ENTPD7: variants seen among roughly 807,000 people sequenced by gnomAD.
The protein encoded by ENTPD7 is NTPDase 7.
A neutral mutation model predicts 77.9 loss-of-function variants in ENTPD7; 53 were observed. The ratio of observed to expected loss-of-function variants is 0.68; its 90% confidence interval spans 0.55 to 0.85. The LOEUF (loss-of-function observed/expected upper bound fraction) is 0.85, where lower values mean the gene tolerates loss of function less well. ENTPD7 is among the 40% of genes least tolerant of loss of function. The pLI is 0.00. For missense variants in ENTPD7, 636 were observed against 743.7 expected (o/e 0.86, Z 1.68); for synonymous variants, 248 against 274.9 (o/e 0.90, Z 0.97).
Position 99,684,092 on chromosome 10 carries a change from A to G in ENTPD7, c.549-1700A>G, listed in dbSNP as rs942058127. On this transcript the variant is annotated intron_variant, in intron 5 of 12. Coordinates refer to ENST00000370489, the MANE Select transcript of ENTPD7 (RefSeq NM_020354.5). ...TTTATTGGAGATGGAGTCTCCCTCT[A>G]TCGCCCAGGCTGGAGTGCAGTGGCA... Among the ~76,000 whole-genome samples, 9 of 152,062 alleles carry G rather than the reference A, an allele frequency of 5.9e-5. No homozygotes were observed. In the East Asian group the frequency reaches 1.4e-3, roughly 23 times the overall value.
rs1003319452 is a variant in ENTPD7 at position 99,707,979 on chromosome 10, T to C, written c.*3296T>C. On this transcript the variant is annotated 3_prime_UTR_variant, in exon 13 of 13. Coordinates refer to ENST00000370489, the MANE Select transcript of ENTPD7 (RefSeq NM_020354.5). Reference sequence around the variant, plus strand: ...TGAGTATATTGAGTGATGCTGAGGTTTGGGGTACAGATCCCATCACCAGGT... The same window carrying C: ...TGAGTATATTGAGTGATGCTGAGGTCTGGGGTACAGATCCCATCACCAGGT... 6.6e-6 allele frequency among the ~76,000 whole-genome samples: 1 copy of C among 152,150 alleles called. No homozygotes were observed. Among genetic ancestry groups the C allele is most frequent in the African/African-American group, 2.4e-5 (1 of 41,426 alleles).
intron 5 of ENTPD7, 118 bp downstream of exon 5, chr10:99,679,993 A>G: frequency 8.3e-7 from 1 of 1,201,524 alleles, no homozygotes; most frequent in Non-Finnish European, 1.1e-6. Flanking sequence ...TTATGACACA[A>G]TCATTCATTC....
intron 3 of ENTPD7, among the ~76,000 whole-genome samples, chr10:99,665,137 T>C (rs966606392): frequency 6.6e-6 from 1 of 151,824 alleles, no homozygotes; most frequent in Non-Finnish European, 1.5e-5. Context: ...CTGTAGTCCT[T>C]GCTTCCCAGG....
chr10:99,664,779 G>A (rs185405999), intron 3 of ENTPD7, among the ~76,000 whole-genome samples: 68 of 151,966 alleles, frequency 4.5e-4, no homozygotes, highest in Non-Finnish European at 7.7e-4. Context: ...TCTCAGATAT[G>A]TATTAGTTAA....
Position 99,679,292 on chromosome 10 carries a change from A to T in ENTPD7, c.223A>T (p.Thr75Ser). 2 of 1,614,172 alleles carry T rather than the reference A, an allele frequency of 1.2e-6. No homozygotes were observed. The change falls in exon 4 of 13, where the codon ACT (threonine) becomes TCT (serine). Residue 75 changes from threonine (T) to serine (S), a missense_variant. Thr to Ser is a moderately conservative substitution (Grantham distance 58). This residue lies in a region of ENTPD7 where 486 missense variants were observed against 556.5 expected (regional missense o/e 0.87). Coordinates refer to ENST00000370489, the MANE Select transcript of ENTPD7 (RefSeq NM_020354.5). The part of the protein sequence containing the change: ...YLARVGELEA[T>S]DTEDPNLNYG... ...GGCTCGAGTAGGGGAGCTTGAAGCT[A>T]CTGACACTGAAGACCCAAATCTGAA...
At chr10:99,669,416 G>A (rs2133444820) in intron 3 of ENTPD7, among the ~76,000 whole-genome samples, 1 of 152,152 alleles carries the variant, frequency 6.6e-6, no homozygotes, top group East Asian at 1.9e-4. Context: ...CTGTCAGGGG[G>A]TTTTCTCTCA....
rs116697861 is a variant in ENTPD7 at position 99,670,357 on chromosome 10, C to T, written c.191+8729C>T. 1.8e-3 allele frequency among the ~76,000 whole-genome samples: 275 copies of T among 152,338 alleles called. 1 individual carries two copies. Among genetic ancestry groups the T allele is most frequent in the African/African-American group, 5.9e-3 (247 of 41,582 alleles). On this transcript the variant is annotated intron_variant, in intron 3 of 12. Coordinates refer to ENST00000370489, the MANE Select transcript of ENTPD7 (RefSeq NM_020354.5). ...CAGTGCAGATAGAGAACATTTTCAT[C>T]ATTTCACAGAGTTCTGTTGACAGTG...
chr10:99,681,175 A>G (rs2035748181), intron 5 of ENTPD7, among the ~76,000 whole-genome samples: 1 of 152,206 alleles, frequency 6.6e-6, no homozygotes, highest in Non-Finnish European at 1.5e-5. Flanking sequence ...GCTTCAGTGA[A>G]CATGGGAGGG....
At position 99,691,335 on chromosome 10, in the gene ENTPD7, A is replaced by T. The variant is rs1316962332; in HGVS notation, c.710-50A>T. The T allele has an allele frequency of 2.5e-6, 4 of 1,580,152 alleles. No individual in the cohort carries two copies. In the South Asian group the frequency reaches 4.5e-5, roughly 18 times the overall value. On this transcript the variant is annotated intron_variant, in intron 7 of 12. Transcript: ENST00000370489. Reference sequence around the variant, plus strand: ...GATTGCTGTTTTGGGGGTTTGACTTAATTTTATTTTTTAATTACTAGGGCC... The same window carrying T: ...GATTGCTGTTTTGGGGGTTTGACTTTATTTTATTTTTTAATTACTAGGGCC...
chr10:99,662,545 T>C (rs2035499845), intron 3 of ENTPD7, among the ~76,000 whole-genome samples: 1 of 152,192 alleles, frequency 6.6e-6, no homozygotes, highest in African/African-American at 2.4e-5. Context: ...TATTTTTGTG[T>C]TAGTCAATTG....
rs770120495 is a variant in ENTPD7, at chr10:99,695,941, G to T, written c.844-15G>T. ...AAAACTAAAATTCCCTTTTTCTCTT[G>T]GTATTGTATTATAGGAAGAAGCTGC... On this transcript the variant is annotated splice_polypyrimidine_tract_variant and intron_variant, in intron 8 of 12. Transcript: ENST00000370489. The T allele has an allele frequency of 6.3e-6, 10 of 1,581,754 alleles. No homozygotes were observed. In the Admixed American group the frequency reaches 7.6e-5, roughly 12 times the overall value.
At chr10:99,702,721 G>C in intron 12 of ENTPD7, 48 bp downstream of exon 12, 1 of 1,505,288 alleles carries the variant, frequency 6.6e-7, no homozygotes, top group Non-Finnish European at 8.9e-7. Flanking sequence ...GAGGATATCA[G>C]TTGATGCCTC....
chr10:99,659,913 A>C lies in ENTPD7; in HGVS notation c.-44A>C. 6.2e-7 allele frequency: 1 copy of C among 1,613,866 alleles called. No homozygotes were observed. ...CAAGGAGGCCACCTTCTCAGGGCAA[A>C]AGAAAAAGAAGGTGACAGGCGTTGA... On this transcript the variant is annotated 5_prime_UTR_variant, in exon 2 of 13. Transcript: ENST00000370489. This position sits in a 1 kb window ranked among gnomAD's most constrained non-coding sequence, Gnocchi z 4.1.
intron 6 of ENTPD7, among the ~76,000 whole-genome samples, chr10:99,686,226 T>C (rs1456004831): frequency 1.3e-5 from 2 of 152,178 alleles, no homozygotes; most frequent in East Asian, 1.9e-4. Flanking sequence ...AGGAGTTGTA[T>C]TGAGTTTGTC....
Position 99,685,973 on chromosome 10 carries a change from T to C in ENTPD7, c.652+78T>C. ...AGCCTCTCTAACGGGTGTTTAGAAT[T>C]ATTCTATATATCGGATTTTAATTTT... is the stretch of plus-strand genomic sequence containing the variant. On this transcript the variant is annotated intron_variant, in intron 6 of 12. Transcript: ENST00000370489. 4.7e-6 allele frequency: 4 copies of C among 854,660 alleles called. No homozygotes were observed. The South Asian group carries it at 6.8e-5, about 14-fold the overall frequency. 52.9% of individuals were successfully genotyped at this position (854,660 alleles called of 1,614,324 possible). A position where few individuals can be genotyped will look rare whatever the true frequency, so the allele number is the denominator to read the frequency against.
chr10:99,661,710 G>C (rs2133433958), intron 3 of ENTPD7, 82 bp downstream of exon 3: 1 of 1,187,896 alleles, frequency 8.4e-7, no homozygotes, highest in Non-Finnish European at 1.1e-6. Context: ...TGACCCTTTT[G>C]GGTGATACTG....
chr10:99,693,881 GC>G (rs2035923614), intron 8 of ENTPD7, among the ~76,000 whole-genome samples: 1 of 151,066 alleles, frequency 6.6e-6, no homozygotes, highest in South Asian at 2.1e-4. Context: ...TCGCACCACT[GC>G]ATTCCAGCCT....
At chr10:99,686,806 A>G (rs983563756) in intron 6 of ENTPD7, among the ~76,000 whole-genome samples, 1 of 150,804 alleles carries the variant, frequency 6.6e-6, no homozygotes, top group Non-Finnish European at 1.5e-5. Context: ...GACATTTTGA[A>G]TATTACATTA....
At chr10:99,704,028 A>G (rs1247081907) in intron 12 of ENTPD7, among the ~76,000 whole-genome samples, 1 of 152,308 alleles carries the variant, frequency 6.6e-6, no homozygotes, top group African/African-American at 2.4e-5. Flanking sequence ...ACTTGGCTGC[A>G]TAGCAACTTT....
Sources: gnomAD v4.1 joint callset for allele counts (sites outside exome capture counted in the v4.1 genomes callset) on GRCh38, gnomAD v4.1.1 for gene constraint, gnomAD v4.1.1 regional missense constraint, Gnocchi (gnomAD v3.1) non-coding constraint, MANE v1.5 for transcripts, NCBI Gene and HGNC (gene_info 2026-07-23, HGNC 2026-07-21) for gene names.